Variants in TBCEL observed in about 807,000 individuals in gnomAD.
The protein encoded by TBCEL is tubulin-specific chaperone cofactor E-like protein.
TBCEL carries 15 observed loss-of-function variants against 44.2 expected under a neutral mutation model. That is an observed-to-expected ratio of 0.34 (90% CI 0.23 to 0.52). The LOEUF (loss-of-function observed/expected upper bound fraction) is 0.52, where lower values mean the gene tolerates loss of function less well. Among genes scored for constraint, TBCEL ranks in the 20% least tolerant of loss-of-function variants. TBCEL has a pLI of 0.95. For missense variants in TBCEL, 319 were observed against 506.3 expected (o/e 0.63, Z 3.55); for synonymous variants, 171 against 185.4 (o/e 0.92, Z 0.63).
At chr11:121,037,358 T>A (rs1362434432) in intron 2 of TBCEL, among the ~76,000 whole-genome samples, 1 of 152,176 alleles carries the variant, frequency 6.6e-6, no homozygotes, top group African/African-American at 2.4e-5. Flanking sequence ...TTCCTTTTCA[T>A]CCAAAGAGAG....
rs374727399 is a variant in TBCEL, at chr11:121,056,042, T to A, written c.712+734T>A. ...TAGGGTTCACTATTGGTGGTGTAAA[T>A]TCTACGGATTTTCACAAATGTGTAG... On this transcript the variant is annotated intron_variant, in intron 6 of 8. Transcript: ENST00000683345. 1.3e-3 allele frequency among the ~76,000 whole-genome samples: 204 copies of A among 151,958 alleles called. 8 individuals carry two copies. In the South Asian group the frequency reaches 0.04, roughly 30 times the overall value.
At chr11:121,026,343 C>T (rs1256942587) in intron 1 of TBCEL, among the ~76,000 whole-genome samples, 1 of 152,092 alleles carries the variant, frequency 6.6e-6, no homozygotes. Context: ...AGTGAGAGTC[C>T]TTCATGTAAT....
rs1258879651 is a variant in TBCEL at position 121,090,041 on chromosome 11, A to C, written c.*2945A>C. 6.6e-6 allele frequency: 1 copy of C among 152,136 alleles called. No individual in the cohort carries two copies. The highest frequency in any genetic ancestry group is 2.4e-5 in the African/African-American group (1 of 41,428). 9.4% of individuals were successfully genotyped at this position (152,136 alleles called of 1,614,324 possible). ...AGAGTCACATATCTTTTTTATTATC[A>C]AGTTTTTGCAGCCTTTTGCCAGCAT... On this transcript the variant is annotated 3_prime_UTR_variant, in exon 9 of 9. Coordinates refer to ENST00000683345, the MANE Select transcript of TBCEL (RefSeq NM_001363644.2).
At position 121,089,954 on chromosome 11, in the gene TBCEL, A is replaced by G. The variant is rs1946267628; in HGVS notation, c.*2858A>G. 2.6e-5 allele frequency: 4 copies of G among 152,222 alleles called. No homozygotes were observed. 9.4% of individuals were successfully genotyped at this position (152,222 alleles called of 1,614,324 possible). A position where few individuals can be genotyped will look rare whatever the true frequency, so the allele number is the denominator to read the frequency against. On this transcript the variant is annotated 3_prime_UTR_variant, in exon 9 of 9. Coordinates refer to ENST00000683345, the MANE Select transcript of TBCEL (RefSeq NM_001363644.2). ...GGTGAACGGCTGCTAAAGCCACAGT[A>G]GAAACCAATTTTTGAATTTGAATTG...
intron 2 of TBCEL, among the ~76,000 whole-genome samples, chr11:121,039,009 A>G (rs995377557): frequency 2.0e-4 from 30 of 152,204 alleles, no homozygotes; most frequent in African/African-American, 7.2e-4. Flanking sequence ...TTCTGCATAA[A>G]GATCAATAAC....
intron 8 of TBCEL, among the ~76,000 whole-genome samples, chr11:121,084,752 G>A (rs1191481247): frequency 6.6e-6 from 1 of 152,000 alleles, no homozygotes; most frequent in Non-Finnish European, 1.5e-5. Context: ...TGACCACTGG[G>A]TTCTGCTGTC....
At chr11:121,036,640 C>T (rs1210976511) in intron 2 of TBCEL, 28 bp downstream of exon 2, 1 of 152,024 alleles carries the variant, frequency 6.6e-6, no homozygotes, top group Non-Finnish European at 1.5e-5. Context: ...GTAGTATTGT[C>T]TTAATTTTTT....
At position 121,087,751 on chromosome 11, in the gene TBCEL, T is replaced by TA. The variant is rs1320037784; in HGVS notation, c.*657dup. ...ATCTCAGGTACGCAGTAAGAAGCTA[T>TA]AACTCTGTTAGAACCTCGAAGAGTA... On this transcript the variant is annotated 3_prime_UTR_variant, in exon 9 of 9. Transcript: ENST00000683345. 1 of 152,262 alleles carries TA rather than the reference T, an allele frequency of 6.6e-6. No individual in the cohort carries two copies. Among genetic ancestry groups the TA allele is most frequent in the African/African-American group, 2.4e-5 (1 of 41,458 alleles). The allele number at this position is 152,262 out of a possible 1,614,324, so 9.4% of individuals were successfully genotyped here.
intron 4 of TBCEL, chr11:121,047,877 C>G (rs568712456): frequency 2.6e-6 from 1 of 386,844 alleles, no homozygotes; most frequent in South Asian, 5.5e-5. Flanking sequence ...AGGAGGATCA[C>G]TTGAGCCCAG....
chr11:121,061,655 A>T (rs973417523), intron 8 of TBCEL, among the ~76,000 whole-genome samples: 1 of 152,098 alleles, frequency 6.6e-6, no homozygotes, highest in Admixed American at 6.6e-5. Context: ...GTGTATCTAA[A>T]TACATCTAAA....
At chr11:121,029,021 T>C (rs1945096037) in intron 1 of TBCEL, among the ~76,000 whole-genome samples, 1 of 152,200 alleles carries the variant, frequency 6.6e-6, no homozygotes, top group South Asian at 2.1e-4. Flanking sequence ...ACATATACTC[T>C]ATACTCTACA....
intron 8 of TBCEL, among the ~76,000 whole-genome samples, chr11:121,072,782 T>C (rs1362939222): frequency 1.3e-5 from 2 of 152,146 alleles, no homozygotes; most frequent in Non-Finnish European, 2.9e-5. Context: ...TAAAGAAACC[T>C]GTTTTCCCCC....
chr11:121,032,084 A>G (rs1565490588), intron 1 of TBCEL, among the ~76,000 whole-genome samples: 4 of 152,274 alleles, frequency 2.6e-5, no homozygotes, highest in East Asian at 1.9e-4. Context: ...TTTTTTTCTC[A>G]AGGAGATAAA....
chr11:121,025,329 G>A (rs1342177500), intron 1 of TBCEL, among the ~76,000 whole-genome samples: 3 of 151,916 alleles, frequency 2.0e-5, no homozygotes, highest in Non-Finnish European at 4.4e-5. Flanking sequence ...TAGGTGCTGA[G>A]GACTAAGGAA....
At position 121,079,995 on chromosome 11, in the gene TBCEL, T is replaced by G. The variant is rs2135012463; in HGVS notation, c.957-6783T>G. On this transcript the variant is annotated intron_variant, in intron 8 of 8. Transcript: ENST00000683345. ...ACGTCTGGCTATTTTTTTTGTATTT[T>G]TACTAGAGACGGGGTTTCACCATGT... 2.0e-5 allele frequency among the ~76,000 whole-genome samples: 3 copies of G among 152,236 alleles called. 1 individual carries two copies. The Middle Eastern group carries it at 0.01, about 518-fold the overall frequency.
chr11:121,030,234 G>A (rs1455258953), intron 1 of TBCEL, among the ~76,000 whole-genome samples: 2 of 152,330 alleles, frequency 1.3e-5, no homozygotes, highest in East Asian at 1.9e-4. Context: ...GAAAACCACG[G>A]AGGCTGAGTA....
intron 2 of TBCEL, among the ~76,000 whole-genome samples, chr11:121,038,711 C>A (rs1020970087): frequency 3.3e-5 from 5 of 152,152 alleles, no homozygotes; most frequent in African/African-American, 9.7e-5. Context: ...CCTCCCCCGA[C>A]CCCCTGCAAA....
At chr11:121,065,755 T>G (rs1945808438) in intron 8 of TBCEL, among the ~76,000 whole-genome samples, 1 of 152,224 alleles carries the variant, frequency 6.6e-6, no homozygotes, top group African/African-American at 2.4e-5. Context: ...CTGCATATTG[T>G]TCTTTTCTCA....
At chr11:121,040,277 AATTTGGGTAATTTGGATGAAAG>A (rs941713548) in intron 2 of TBCEL, among the ~76,000 whole-genome samples, 14 of 152,160 alleles carry the variant, frequency 9.2e-5, no homozygotes, top group African/African-American at 3.4e-4. Context: ...ATTTGGGTCA[AATTTGGGTAATTTGGATGAAAG>A]ATTTGGGTAA....
Sources: gnomAD v4.1 joint callset for allele counts (sites outside exome capture counted in the v4.1 genomes callset) on GRCh38, gnomAD v4.1.1 for gene constraint, MANE v1.5 for transcripts, NCBI Gene and HGNC (gene_info 2026-07-23, HGNC 2026-07-21) for gene names.